ZC3HAV1L: variants seen among roughly 807,000 people sequenced by gnomAD.
ZC3HAV1L encodes the protein ZC3HAV1 like.
In ZC3HAV1L, 23 loss-of-function variants were observed where a neutral mutation model predicts 28.2. The ratio of observed to expected loss-of-function variants is 0.82; its 90% CI spans 0.59 to 1.16. ZC3HAV1L has a LOEUF of 1.16. Among genes scored for constraint, ZC3HAV1L ranks in the 50% most tolerant of loss-of-function variants. The pLI is 0.00. For missense variants in ZC3HAV1L, 376 were observed against 387.7 expected (o/e 0.97, Z 0.25); for synonymous variants, 180 against 163.4 (o/e 1.10, Z -0.78).
downstream of ZC3HAV1L, among the ~76,000 whole-genome samples, chr7:139,024,469 T>C (rs965268050): frequency 2.0e-5 from 3 of 152,180 alleles, no homozygotes; most frequent in African/African-American, 2.4e-5. Context: ...TACAAAAATA[T>C]ACATAGTAAA....
In ZC3HAV1L at chr7:139,035,845, T is replaced by G; in HGVS notation, c.173A>C (p.Glu58Ala). The change falls in exon 1 of 5, where the codon GAG becomes GCG. Residue 58 changes from glutamate to alanine, a missense_variant. By Grantham distance (107) the Glu-to-Ala change is moderately radical (BLOSUM62 -1). Transcript: ENST00000275766. Reference protein sequence around the residue: ...RFLLQEVETQEGLGDAEAEAA... With the variant: ...RFLLQEVETQAGLGDAEAEAA... ...CTCGGCCTCCGCGTCCCCGAGGCCC[T>G]CCTGCGTCTCCACCTCCTGCAGCAG... 1 of 1,500,038 alleles carries G rather than the reference T, an allele frequency of 6.7e-7. No individual in the cohort carries two copies. Among genetic ancestry groups the G allele is most frequent in the Non-Finnish European group, 8.8e-7 (1 of 1,132,578 alleles). 92.9% of individuals were successfully genotyped at this position (1,500,038 alleles called of 1,614,324 possible).
chr7:139,022,940 C>A (rs756691759), downstream of ZC3HAV1L, among the ~76,000 whole-genome samples: 1 of 152,020 alleles, frequency 6.6e-6, no homozygotes, highest in African/African-American at 2.4e-5. Context: ...TTTGGGAGGG[C>A]GAGGTGGGTG....
chr7:139,031,229 C>T (rs1815522251), intron 2 of ZC3HAV1L, among the ~76,000 whole-genome samples: 1 of 152,150 alleles, frequency 6.6e-6, no homozygotes, highest in Non-Finnish European at 1.5e-5. Context: ...TGGCAAATTG[C>T]TTGAGCCAAG....
downstream of ZC3HAV1L, among the ~76,000 whole-genome samples, chr7:139,022,912 C>T (rs559686247): frequency 2.0e-5 from 3 of 152,164 alleles, no homozygotes; most frequent in Admixed American, 6.5e-5. Flanking sequence ...CAGTGGCTCA[C>T]GCCTATAATA....
At chr7:139,025,130 T>C (rs886779570), downstream of ZC3HAV1L, among the ~76,000 whole-genome samples, 3 of 152,146 alleles carry the variant, frequency 2.0e-5, no homozygotes, top group Non-Finnish European at 4.4e-5. Flanking sequence ...CTTCAAACTA[T>C]TGTGACTGGG....
intron 3 of ZC3HAV1L, among the ~76,000 whole-genome samples, chr7:139,027,893 G>A (rs565652112): frequency 6.6e-6 from 1 of 152,248 alleles, no homozygotes; most frequent in South Asian, 2.1e-4. Flanking sequence ...AGATTAGAGT[G>A]AGCAAAATCA....
intron 1 of ZC3HAV1L, chr7:139,034,973 G>C (rs1406232357): frequency 1.0e-6 from 1 of 985,266 alleles, no homozygotes; most frequent in Non-Finnish European, 1.2e-6. Flanking sequence ...CCTTCTCCCC[G>C]GCAACAGCTG....
downstream of ZC3HAV1L, among the ~76,000 whole-genome samples, chr7:139,025,506 G>A (rs930819125): frequency 1.3e-5 from 2 of 150,480 alleles, no homozygotes; most frequent in Non-Finnish European, 1.5e-5. Flanking sequence ...AGAACCCAAA[G>A]GTTATATACT....
chr7:139,022,046 G>A (rs2130620179), downstream of ZC3HAV1L, among the ~76,000 whole-genome samples: 2 of 151,934 alleles, frequency 1.3e-5, no homozygotes, highest in East Asian at 3.9e-4. Flanking sequence ...ATAAAACCTA[G>A]ACAAAAAGAA....
intron 3 of ZC3HAV1L, 141 bp downstream of exon 3, chr7:139,028,561 T>C: frequency 8.6e-7 from 1 of 1,160,436 alleles, no homozygotes; most frequent in Non-Finnish European, 1.2e-6. Context: ...GTTCTAAACT[T>C]TCCCAAGAAC....
At chr7:139,034,994 C>G in intron 1 of ZC3HAV1L, 1 of 985,404 alleles carries the variant, frequency 1.0e-6, no homozygotes, top group Non-Finnish European at 1.2e-6. Flanking sequence ...CCACAGTCCA[C>G]CAACGTTAAA....
intron 2 of ZC3HAV1L, among the ~76,000 whole-genome samples, chr7:139,032,409 C>T (rs1185818188): frequency 1.3e-5 from 2 of 151,470 alleles, no homozygotes; most frequent in Non-Finnish European, 2.9e-5. Context: ...CTGAGGTGGG[C>T]GGATCACGAG....
At chr7:139,035,299 C>T (rs900157337) in intron 1 of ZC3HAV1L, 1 of 985,406 alleles carries the variant, frequency 1.0e-6, no homozygotes, top group Non-Finnish European at 1.2e-6. Flanking sequence ...GATCCTCAGA[C>T]GCCCCACGCC....
intron 2 of ZC3HAV1L, chr7:139,033,836 G>A (rs1376483273): frequency 1.0e-6 from 1 of 985,328 alleles, no homozygotes; most frequent in African/African-American, 1.7e-5. Flanking sequence ...CCTCATAGGT[G>A]CAGCCACCCT....
downstream of ZC3HAV1L, among the ~76,000 whole-genome samples, chr7:139,025,172 T>C (rs1436764437): frequency 2.0e-5 from 3 of 151,940 alleles, no homozygotes; most frequent in East Asian, 1.9e-4. Context: ...AAATGAAGAG[T>C]AGACAGAGTC....
chr7:139,032,406 G>A (rs1036609946), intron 2 of ZC3HAV1L, among the ~76,000 whole-genome samples: 3 of 151,660 alleles, frequency 2.0e-5, no homozygotes, highest in Non-Finnish European at 2.9e-5. Context: ...AGGCTGAGGT[G>A]GGCGGATCAC....
chr7:139,027,009 A>G (rs554513603), intron 3 of ZC3HAV1L, among the ~76,000 whole-genome samples, 176 bp from the exon 4 acceptor site: 91 of 152,246 alleles, frequency 6.0e-4, no homozygotes, highest in African/African-American at 2.2e-3. Flanking sequence ...ATAGAGAGAG[A>G]GAGAGCAAGC....
intron 2 of ZC3HAV1L, chr7:139,034,155 A>C: frequency 1.0e-6 from 1 of 985,412 alleles, no homozygotes. Context: ...CATTAGAGTT[A>C]AAATCAGGCC....
chr7:139,022,709 A>G (rs1399550171), downstream of ZC3HAV1L, among the ~76,000 whole-genome samples: 2 of 152,226 alleles, frequency 1.3e-5, no homozygotes, highest in African/African-American at 2.4e-5. Context: ...GCTAGTGAGT[A>G]AAAAAACACA....
Sources: allele counts gnomAD v4.1 joint callset (sites outside exome capture counted in the v4.1 genomes callset), GRCh38; gene constraint gnomAD v4.1.1; transcripts MANE v1.5; gene names NCBI Gene and HGNC (gene_info 2026-07-23, HGNC 2026-07-21).